BATF: variants seen among roughly 807,000 people sequenced by gnomAD.
BATF encodes basic leucine zipper ATF-like transcription factor.
A neutral mutation model predicts 13.7 loss-of-function variants in BATF; 5 were observed. That is an observed-to-expected ratio of 0.36 (90% confidence interval 0.19 to 0.77). The LOEUF (loss-of-function observed/expected upper bound fraction) is 0.77. Among genes scored for constraint, BATF ranks in the 30% least tolerant of loss-of-function variants. The pLI, the probability that BATF is intolerant of heterozygous loss-of-function variation, is 0.51. For synonymous variants in BATF, 72 were observed against 67.5 expected (o/e 1.07, Z -0.33); for missense variants, 124 against 163.0 (o/e 0.76, Z 1.30).
intron 2 of BATF, among the ~76,000 whole-genome samples, chr14:75,544,382 T>A (rs1203104267): frequency 6.6e-6 from 1 of 151,806 alleles, no homozygotes; most frequent in African/African-American, 2.4e-5. Flanking sequence ...CTGGCCAACA[T>A]GGTGAAACCC....
chr14:75,529,557 T>G (rs186467241), intron 2 of BATF, among the ~76,000 whole-genome samples: 21 of 152,264 alleles, frequency 1.4e-4, no homozygotes, highest in Non-Finnish European at 2.1e-4. Flanking sequence ...AAATAAAACA[T>G]AAAACCCTGA....
chr14:75,539,880 G>C (rs1887871279), intron 2 of BATF, among the ~76,000 whole-genome samples: 1 of 152,070 alleles, frequency 6.6e-6, no homozygotes, highest in Non-Finnish European at 1.5e-5. Flanking sequence ...CTTTTCAGTT[G>C]GAAGCCTGCT....
In BATF at chr14:75,522,643, G is replaced by T. The variant is rs777985892; in HGVS notation, c.-40G>T. 5.6e-6 allele frequency: 9 copies of T among 1,611,456 alleles called. No homozygotes were observed. Among genetic ancestry groups the T allele is most frequent in the South Asian group, 1.1e-5 (1 of 91,036 alleles). On this transcript the variant is annotated 5_prime_UTR_variant, in exon 1 of 3. Transcript: ENST00000286639. ...CAGCTGGTGACAAGAGAGCCCAGAG[G>T]TGCCTGGGGCTGAGTGTGAGAGCCC...
chr14:75,522,978 G>A (rs1887595737), intron 1 of BATF, among the ~76,000 whole-genome samples: 1 of 152,128 alleles, frequency 6.6e-6, no homozygotes, highest in African/African-American at 2.4e-5. Context: ...TTCCAAGGCT[G>A]CCTATCACCT....
At position 75,525,056 on chromosome 14, in the gene BATF, T is replaced by A. The variant is rs201306731; in HGVS notation, c.64-28T>A. The A allele has an allele frequency of 3.8e-6, 6 of 1,578,448 alleles. No individual in the cohort carries two copies. The East Asian group carries it at 1.4e-4, about 36-fold the overall frequency. On this transcript the variant is annotated intron_variant, in intron 1 of 2. Coordinates refer to ENST00000286639, the MANE Select transcript of BATF (RefSeq NM_006399.5). ...CACTCAGAAGGGAGATGCAGACCCA[T>A]GTAATCCTCCCCGTCTCTGCTTCCC...
intron 2 of BATF, among the ~76,000 whole-genome samples, chr14:75,534,570 C>T (rs372859884): frequency 5.3e-5 from 8 of 152,312 alleles, no homozygotes; most frequent in Non-Finnish European, 8.8e-5. Context: ...TAGTTGAGAA[C>T]GCTACACTAA....
chr14:75,526,315 C>T (rs1348129059), intron 2 of BATF, among the ~76,000 whole-genome samples: 2 of 152,200 alleles, frequency 1.3e-5, no homozygotes, highest in Non-Finnish European at 2.9e-5. Context: ...CATCCCCTTC[C>T]CTAGCAACTC....
intron 2 of BATF, among the ~76,000 whole-genome samples, chr14:75,545,519 G>A (rs1887969106): frequency 6.6e-6 from 1 of 151,228 alleles, no homozygotes; most frequent in Non-Finnish European, 1.5e-5. Flanking sequence ...ATAGGCATGA[G>A]CCACCGCACC....
At chr14:75,527,146 A>G (rs970354787) in intron 2 of BATF, among the ~76,000 whole-genome samples, 15 of 152,196 alleles carry the variant, frequency 9.9e-5, no homozygotes, top group African/African-American at 3.4e-4. Context: ...CAGATCGTAC[A>G]TTTAAAGAGC....
chr14:75,545,815 C>T (rs1887976206), intron 2 of BATF, among the ~76,000 whole-genome samples: 1 of 152,048 alleles, frequency 6.6e-6, no homozygotes, highest in African/African-American at 2.4e-5. Flanking sequence ...CGCAGAGGAA[C>T]ACACTCACAC....
chr14:75,524,507 G>A (rs1566765354), intron 1 of BATF, among the ~76,000 whole-genome samples: 1 of 152,148 alleles, frequency 6.6e-6, no homozygotes, highest in Non-Finnish European at 1.5e-5. Context: ...ACCAGAAGAT[G>A]TAGCACTCTC....
At chr14:75,534,493 G>A (rs1482656681) in intron 2 of BATF, among the ~76,000 whole-genome samples, 1 of 152,118 alleles carries the variant, frequency 6.6e-6, no homozygotes, top group Admixed American at 6.5e-5. Context: ...CCCTCACCCT[G>A]CTTAGTTTGA....
chr14:75,534,338 C>G (rs1383543619), intron 2 of BATF, among the ~76,000 whole-genome samples: 2 of 152,140 alleles, frequency 1.3e-5, no homozygotes, highest in Admixed American at 1.3e-4. Flanking sequence ...ATTTCCTATT[C>G]TGATTATGAA....
At chr14:75,523,753 T>G (rs1887611788) in intron 1 of BATF, among the ~76,000 whole-genome samples, 1 of 152,140 alleles carries the variant, frequency 6.6e-6, no homozygotes. Context: ...GCAGCCAAAA[T>G]AAAAGTATAT....
At chr14:75,525,685 G>T (rs964273529) in intron 2 of BATF, among the ~76,000 whole-genome samples, 1 of 150,514 alleles carries the variant, frequency 6.6e-6, no homozygotes, top group African/African-American at 2.4e-5. Context: ...AAAATAGAAG[G>T]CTCTGTAGCA....
chr14:75,526,684 A>G (rs1244538435), intron 2 of BATF, among the ~76,000 whole-genome samples: 2 of 152,224 alleles, frequency 1.3e-5, no homozygotes, highest in Non-Finnish European at 2.9e-5. Context: ...GAATGAACAG[A>G]AAGTCTGTAC....
intron 2 of BATF, among the ~76,000 whole-genome samples, chr14:75,536,018 A>G (rs1887810997): frequency 6.6e-6 from 1 of 152,228 alleles, no homozygotes; most frequent in Non-Finnish European, 1.5e-5. Flanking sequence ...CTACTCAACA[A>G]ATATTTATCA....
chr14:75,538,888 G>C (rs748148930), intron 2 of BATF, among the ~76,000 whole-genome samples: 6 of 152,204 alleles, frequency 3.9e-5, no homozygotes. Context: ...GCGACAGAGC[G>C]AGACACGGTC....
intron 2 of BATF, among the ~76,000 whole-genome samples, chr14:75,539,624 G>A (rs1887867776): frequency 6.6e-6 from 1 of 151,970 alleles, no homozygotes; most frequent in Non-Finnish European, 1.5e-5. Flanking sequence ...AGGTCCCTGA[G>A]GGCACGGCTG....
Sources: gnomAD v4.1 joint callset for allele counts (sites outside exome capture counted in the v4.1 genomes callset) on GRCh38, gnomAD v4.1.1 for gene constraint, MANE v1.5 for transcripts, NCBI Gene and HGNC (gene_info 2026-07-23, HGNC 2026-07-21) for gene names.